HAO1: variants seen among roughly 807,000 people sequenced by gnomAD.
HAO1 encodes 2-Hydroxyacid oxidase 1.
A neutral mutation model predicts 39.7 loss-of-function variants in HAO1; 34 were observed. The observed-to-expected ratio is 0.86, with a 90% CI of 0.65 to 1.14. The LOEUF (loss-of-function observed/expected upper bound fraction) is 1.14, where lower values mean the gene tolerates loss of function less well. Ranked by LOEUF, HAO1 falls within the 50% of genes most tolerant of loss-of-function variation. The pLI is 0.00. For missense variants in HAO1, 479 were observed against 464.5 expected, an observed-to-expected ratio of 1.03 and a Z score of -0.29; for synonymous variants, 172 against 173.2, an observed-to-expected ratio of 0.99 and a Z score of 0.05.
intron 2 of HAO1, 72 bp from the exon 3 acceptor site, chr20:7,914,491 G>A: frequency 1.3e-6 from 2 of 1,527,534 alleles, no homozygotes. Flanking sequence ...ATTGTAGTTG[G>A]ATGAGTAAAG....
intron 3 of HAO1, among the ~76,000 whole-genome samples, chr20:7,909,377 A>ATG (rs71183079): frequency 4.8e-4 from 48 of 100,122 alleles, no homozygotes; most frequent in Non-Finnish European, 5.9e-4. Flanking sequence ...ATATATATAT[A>ATG]TGTATATATA....
rs771948375 is a variant in HAO1 at position 7,883,601 on chromosome 20, T to G, written c.1105A>C (p.Lys369Gln). ...GAAAATATTGTGCACTGTCAGATCT[T>G]GGAAACGGCCAAAGGATTTTTCCTC... ...LVRKNPLAVS[K>Q]I is the part of the protein sequence containing the mutation. The change falls in exon 8 of 8, where the codon AAG (lysine) becomes CAG (glutamine). Residue 369 changes from lysine to glutamine, a missense_variant. By Grantham distance (53) the Lys-to-Gln change is moderately conservative. Coordinates refer to ENST00000378789, the MANE Select transcript of HAO1 (RefSeq NM_017545.3). 3 of 1,612,130 alleles carry G rather than the reference T, an allele frequency of 1.9e-6. No homozygotes were observed. Among genetic ancestry groups the G allele is most frequent in the Non-Finnish European group, 1.7e-6 (2 of 1,178,290 alleles).
At chr20:7,889,137 A>C (rs376355784) in intron 5 of HAO1, among the ~76,000 whole-genome samples, 16 of 152,150 alleles carry the variant, frequency 1.1e-4, no homozygotes, top group African/African-American at 3.1e-4. Flanking sequence ...TACACAGCAA[A>C]AGCCATCTGA....
intron 1 of HAO1, among the ~76,000 whole-genome samples, chr20:7,937,729 A>G (rs1240127827): frequency 1.3e-5 from 2 of 152,226 alleles, no homozygotes; most frequent in South Asian, 2.1e-4. Context: ...AGAGAAACAA[A>G]TTACTGTTCT....
Position 7,883,581 on chromosome 20 carries a change from T to A in HAO1, c.*12A>T, listed in dbSNP as rs754537271. ...AAAAAAAATAATACAGATGGGAAAA[T>A]ATTGTGCACTGTCAGATCTTGGAAA... On this transcript the variant is annotated 3_prime_UTR_variant, in exon 8 of 8. Transcript: ENST00000378789. 11 of 1,598,294 alleles carry A rather than the reference T, an allele frequency of 6.9e-6. No individual in the cohort carries two copies. Among genetic ancestry groups the A allele is most frequent in the Admixed American group, 1.7e-5 (1 of 59,976 alleles).
chr20:7,896,275 G>C (rs1353795170), intron 4 of HAO1, among the ~76,000 whole-genome samples: 4 of 151,988 alleles, frequency 2.6e-5, no homozygotes. Context: ...AAACAACACT[G>C]GTTCTCAGGT....
intron 4 of HAO1, among the ~76,000 whole-genome samples, chr20:7,904,064 G>A (rs2050236547): frequency 6.6e-6 from 1 of 152,130 alleles, no homozygotes; most frequent in Admixed American, 6.5e-5. Flanking sequence ...TGAAAAGGTG[G>A]TTAAAAAATA....
intron 1 of HAO1, 67 bp downstream of exon 1, chr20:7,940,216 TAGG>T (rs776629070): frequency 5.1e-5 from 66 of 1,282,194 alleles, no homozygotes; most frequent in Non-Finnish European, 7.0e-5. Flanking sequence ...AACGTAAAAC[TAGG>T]AGATCTTATT....
intron 1 of HAO1, among the ~76,000 whole-genome samples, chr20:7,935,439 G>T (rs1406158191): frequency 6.6e-6 from 1 of 152,088 alleles, no homozygotes; most frequent in Non-Finnish European, 1.5e-5. Flanking sequence ...GCTATGTCTA[G>T]TTTGTCTTCT....
chr20:7,898,332 A>G (rs912346643), intron 4 of HAO1, among the ~76,000 whole-genome samples: 1 of 152,076 alleles, frequency 6.6e-6, no homozygotes. Context: ...CTCAAGGTAC[A>G]GTTTTCTGTA....
intron 3 of HAO1, among the ~76,000 whole-genome samples, chr20:7,910,020 C>G (rs1399637439): frequency 1.3e-5 from 2 of 152,118 alleles, no homozygotes; most frequent in African/African-American, 4.8e-5. Flanking sequence ...CCCGGTTCAG[C>G]CTCTTACTAG....
intron 7 of HAO1, 175 bp downstream of exon 7, chr20:7,885,346 T>C (rs1305398934): frequency 4.9e-6 from 3 of 607,612 alleles, no homozygotes; most frequent in South Asian, 4.1e-5. Flanking sequence ...GGTTAAGTAA[T>C]TACTAGAGAC....
At chr20:7,923,926 G>A (rs1039923641) in intron 2 of HAO1, among the ~76,000 whole-genome samples, 8 of 152,190 alleles carry the variant, frequency 5.3e-5, no homozygotes, top group Middle Eastern at 3.4e-3. Flanking sequence ...GGGGCTCATT[G>A]AAAACGGGAG....
chr20:7,910,919 C>A (rs924183294), intron 3 of HAO1, among the ~76,000 whole-genome samples: 10 of 152,126 alleles, frequency 6.6e-5, no homozygotes, highest in African/African-American at 2.4e-4. Context: ...ATATTTGCAT[C>A]TCTACCATCA....
intron 4 of HAO1, among the ~76,000 whole-genome samples, chr20:7,898,462 A>C (rs542397458): frequency 6.6e-6 from 1 of 152,130 alleles, no homozygotes; most frequent in East Asian, 1.9e-4. Flanking sequence ...CTGTACTTTA[A>C]TTTCAGTGGA....
chr20:7,895,151 G>A lies in HAO1; in HGVS notation c.795C>T (p.Leu265=), dbSNP rs781403291. The change falls in exon 5 of 8, where the codon CTC becomes CTT. Residue 265 remains leucine, a synonymous_variant. Coordinates refer to ENST00000378789, the MANE Select transcript of HAO1 (RefSeq NM_017545.3). ...ILVSNHGARQ[L]DGVPATIDVL... is the part of the protein sequence containing the mutation. Reference sequence around the variant, plus strand: ...AACTCACAGTGGCTGGCACCCCATCGAGTTGTCGAGCCCCATGATTCGACA... The same window carrying A: ...AACTCACAGTGGCTGGCACCCCATCAAGTTGTCGAGCCCCATGATTCGACA... 9.9e-6 allele frequency: 16 copies of A among 1,609,922 alleles called. No individual in the cohort carries two copies. The highest frequency in any genetic ancestry group is 1.3e-5 in the Non-Finnish European group (15 of 1,176,456).
At chr20:7,939,449 C>T (rs2050430605) in intron 1 of HAO1, among the ~76,000 whole-genome samples, 2 of 152,244 alleles carry the variant, frequency 1.3e-5, no homozygotes, top group East Asian at 1.9e-4. Flanking sequence ...CTAATTCTCT[C>T]CCCCTGCATA....
intron 3 of HAO1, among the ~76,000 whole-genome samples, chr20:7,911,647 C>T (rs758268746): frequency 2.0e-5 from 3 of 152,116 alleles, no homozygotes; most frequent in Non-Finnish European, 2.9e-5. Flanking sequence ...CAGAGACTAC[C>T]AAACCTCTGA....
Position 7,895,132 on chromosome 20 carries a change from C to T in HAO1, c.813+1G>A, listed in dbSNP as rs2050190555. 1.9e-6 allele frequency: 3 copies of T among 1,597,592 alleles called. No homozygotes were observed. The South Asian group carries it at 3.3e-5, about 18-fold the overall frequency. On this transcript the variant is annotated splice_donor_variant, in intron 5 of 7. Transcript: ENST00000378789. LOFTEE classifies it high-confidence loss of function. ...AAATCTTAGCGTCTGCCAAAACTCA[C>T]AGTGGCTGGCACCCCATCGAGTTGT...
Sources: gnomAD v4.1 joint callset for allele counts (sites outside exome capture counted in the v4.1 genomes callset) on GRCh38, gnomAD v4.1.1 for gene constraint, MANE v1.5 for transcripts, NCBI Gene and HGNC (gene_info 2026-07-23, HGNC 2026-07-21) for gene names.